Variants in PPP1R37 observed in about 807,000 individuals in gnomAD.
PPP1R37 encodes leucine rich repeat containing 68.
A neutral mutation model predicts 61.0 loss-of-function variants in PPP1R37; 21 were observed. That is an observed-to-expected ratio of 0.34 (90% confidence interval 0.24 to 0.50). The LOEUF (loss-of-function observed/expected upper bound fraction) is 0.50. Ranked by LOEUF, PPP1R37 falls within the 20% of genes least tolerant of loss-of-function variation. PPP1R37 has a pLI of 0.98. For synonymous variants in PPP1R37, 443 were observed against 433.5 expected, an observed-to-expected ratio of 1.02 and a Z score of -0.27; for missense variants, 910 against 952.7, an observed-to-expected ratio of 0.96 and a Z score of 0.59.
chr19:45,096,048 A>C (rs539973621), intron 1 of PPP1R37, among the ~76,000 whole-genome samples: 1 of 152,120 alleles, frequency 6.6e-6, no homozygotes, highest in African/African-American at 2.4e-5. Context: ...CTTGCCACGG[A>C]ATTTAGGAGA....
intron 1 of PPP1R37, among the ~76,000 whole-genome samples, chr19:45,101,217 C>G (rs1968058600): frequency 6.6e-6 from 1 of 152,128 alleles, no homozygotes; most frequent in Admixed American, 6.5e-5. Context: ...CAAGGAAATC[C>G]AGCAGTAAGC....
At chr19:45,124,901 T>C (rs1174592650) in intron 1 of PPP1R37, among the ~76,000 whole-genome samples, 2 of 149,406 alleles carry the variant, frequency 1.3e-5, no homozygotes, top group Admixed American at 6.7e-5. Flanking sequence ...AGCCCAGGAG[T>C]GCAAGGCTGC....
At chr19:45,116,569 C>T (rs564638506) in intron 1 of PPP1R37, among the ~76,000 whole-genome samples, 1 of 152,348 alleles carries the variant, frequency 6.6e-6, no homozygotes, top group African/African-American at 2.4e-5. Context: ...AAGGACCGGC[C>T]ATCCCAGCCT....
At chr19:45,098,121 A>G (rs925472641) in intron 1 of PPP1R37, among the ~76,000 whole-genome samples, 1 of 152,212 alleles carries the variant, frequency 6.6e-6, no homozygotes, top group Non-Finnish European at 1.5e-5. Context: ...AGGTGTGTGT[A>G]GATGGGCAGG....
intron 1 of PPP1R37, among the ~76,000 whole-genome samples, chr19:45,105,177 C>T (rs1286105714): frequency 6.6e-6 from 1 of 152,142 alleles, no homozygotes; most frequent in African/African-American, 2.4e-5. Flanking sequence ...ATGAGCAGCT[C>T]AGACAGTCCC....
chr19:45,116,716 C>T (rs539522600), intron 1 of PPP1R37, among the ~76,000 whole-genome samples: 1 of 152,304 alleles, frequency 6.6e-6, no homozygotes, highest in South Asian at 2.1e-4. Flanking sequence ...TTCATAGACT[C>T]ACAGCGACAG....
At position 45,141,341 on chromosome 19, in the gene PPP1R37, A is replaced by G; in HGVS notation, c.467A>G (p.Asp156Gly). The part of the protein sequence containing the change: ...LDEDGASALF[D>G]MIEYYESATH... ...GCGCAGGGTGCCTCGGCCCTCTTCG[A>G]CATGATCGAGTACTACGAGTCGGCC... The change falls in exon 5 of 13, where the codon GAC becomes GGC. Residue 156 changes from aspartate (D) to glycine (G), a missense_variant. Transcript: ENST00000221462. The G allele has an allele frequency of 6.5e-7, 1 of 1,535,828 alleles. No individual in the cohort carries two copies. The highest frequency in any genetic ancestry group is 8.7e-7 in the Non-Finnish European group (1 of 1,146,754).
At chr19:45,143,372 G>A (rs1968639154) in intron 7 of PPP1R37, 149 bp from the exon 8 acceptor site, 2 of 572,570 alleles carry the variant, frequency 3.5e-6, no homozygotes, top group Non-Finnish European at 6.2e-6. Flanking sequence ...GCCCAGGGGT[G>A]CCAGGCCGAG....
intron 1 of PPP1R37, among the ~76,000 whole-genome samples, chr19:45,132,364 G>A (rs1294502435): frequency 6.6e-6 from 1 of 151,356 alleles, no homozygotes; most frequent in Non-Finnish European, 1.5e-5. Context: ...GGAGTACAGC[G>A]ACACAATCAC....
At chr19:45,112,838 G>A (rs938916904) in intron 1 of PPP1R37, among the ~76,000 whole-genome samples, 9 of 152,206 alleles carry the variant, frequency 5.9e-5, no homozygotes, top group Admixed American at 5.9e-4. Flanking sequence ...TGAAGCAGGT[G>A]CTGGGTGAAG....
intron 1 of PPP1R37, among the ~76,000 whole-genome samples, chr19:45,098,000 G>C (rs1019999645): frequency 6.6e-6 from 1 of 152,194 alleles, no homozygotes; most frequent in Non-Finnish European, 1.5e-5. Flanking sequence ...GCAGAGCATT[G>C]TGTTTCCTCA....
intron 1 of PPP1R37, among the ~76,000 whole-genome samples, chr19:45,120,918 C>T (rs140715506): frequency 2.0e-4 from 31 of 152,304 alleles, no homozygotes; most frequent in African/African-American, 7.2e-4. Context: ...CTGTGCCCCG[C>T]ACATTTGTAC....
chr19:45,144,823 T>C, intron 8 of PPP1R37, 31 bp from the exon 9 acceptor site: 1 of 1,501,896 alleles, frequency 6.7e-7, no homozygotes, highest in East Asian at 2.5e-5. Flanking sequence ...CATCACGGCC[T>C]CCTCCTCACC....
intron 2 of PPP1R37, 149 bp from the exon 3 acceptor site, chr19:45,140,087 T>C (rs1968590370): frequency 4.7e-6 from 3 of 643,588 alleles, no homozygotes; most frequent in Non-Finnish European, 8.2e-6. Flanking sequence ...AGGTTCCAGC[T>C]GGTGGGTGGC....
chr19:45,139,684 T>C (rs1017738583), intron 2 of PPP1R37, among the ~76,000 whole-genome samples: 9 of 152,204 alleles, frequency 5.9e-5, no homozygotes, highest in African/African-American at 2.2e-4. Flanking sequence ...GGCTGCTCAG[T>C]GTGGCAGCTG....
intron 1 of PPP1R37, among the ~76,000 whole-genome samples, chr19:45,103,526 G>T (rs1968090291): frequency 6.6e-6 from 1 of 152,068 alleles, no homozygotes; most frequent in African/African-American, 2.4e-5. Context: ...ACCAGCTGCT[G>T]TCAGCGATGT....
intron 1 of PPP1R37, among the ~76,000 whole-genome samples, chr19:45,110,034 A>C (rs1968181024): frequency 6.6e-6 from 1 of 152,070 alleles, no homozygotes; most frequent in Non-Finnish European, 1.5e-5. Context: ...TTTGTTCACC[A>C]GTGTAGCCTG....
intron 1 of PPP1R37, among the ~76,000 whole-genome samples, chr19:45,111,787 T>G (rs1968204301): frequency 6.8e-6 from 1 of 146,502 alleles, no homozygotes; most frequent in Non-Finnish European, 1.5e-5. Context: ...GGGGCGGGGG[T>G]GGATGGGTGA....
intron 1 of PPP1R37, among the ~76,000 whole-genome samples, chr19:45,105,117 T>C (rs1968113568): frequency 6.6e-6 from 1 of 152,142 alleles, no homozygotes; most frequent in African/African-American, 2.4e-5. Context: ...GAGCGCAATA[T>C]GGCAGGTGGA....
Sources: allele counts gnomAD v4.1 joint callset (sites outside exome capture counted in the v4.1 genomes callset), GRCh38; gene constraint gnomAD v4.1.1; transcripts MANE v1.5; gene names NCBI Gene and HGNC (gene_info 2026-07-23, HGNC 2026-07-21).